SEMA6A: variants seen among roughly 807,000 people sequenced by gnomAD.
The protein encoded by SEMA6A is semaphorin-6A.
Under a neutral mutation model 96.8 loss-of-function variants are expected in SEMA6A, and 25 were observed. The observed-to-expected ratio is 0.26, with a 90% CI of 0.19 to 0.36. SEMA6A has a LOEUF of 0.36. Ranked by LOEUF, SEMA6A falls within the 10% of genes least tolerant of loss-of-function variation. The pLI is 1.00. For missense variants in SEMA6A, 1,363 were observed against 1,323.1 expected (o/e 1.03, Z -0.47); for synonymous variants, 612 against 518.0 (o/e 1.18, Z -2.46).
chr5:116,530,322 A>G (rs1265644763), intron 1 of SEMA6A, among the ~76,000 whole-genome samples: 1 of 152,196 alleles, frequency 6.6e-6, no homozygotes, highest in African/African-American at 2.4e-5. Flanking sequence ...GTAGTTATGT[A>G]GGCACTCCCT....
intron 1 of SEMA6A, among the ~76,000 whole-genome samples, chr5:116,540,688 T>A (rs1416668114): frequency 2.6e-5 from 4 of 152,206 alleles, no homozygotes; most frequent in African/African-American, 9.7e-5. Context: ...ATGTTGTGTA[T>A]ATGCATGTTA....
At chr5:116,493,323 G>A (rs1351263757) in intron 6 of SEMA6A, among the ~76,000 whole-genome samples, 9 of 152,290 alleles carry the variant, frequency 5.9e-5, no homozygotes, top group Admixed American at 2.0e-4. Context: ...GACAAACAGG[G>A]ATGGAATATT....
At chr5:116,500,736 G>A (rs889096214) in intron 3 of SEMA6A, among the ~76,000 whole-genome samples, 8 of 152,164 alleles carry the variant, frequency 5.3e-5, no homozygotes, top group African/African-American at 1.9e-4. Context: ...CGGGCATGGT[G>A]GCTCACACCT....
intron 1 of SEMA6A, among the ~76,000 whole-genome samples, chr5:116,567,722 T>G (rs1223560506): frequency 6.6e-6 from 1 of 152,204 alleles, no homozygotes; most frequent in African/African-American, 2.4e-5. Context: ...GTCCACTACC[T>G]TCCCTCCAAC....
intron 1 of SEMA6A, among the ~76,000 whole-genome samples, chr5:116,505,484 CAT>C (rs1491390936): frequency 2.6e-5 from 4 of 151,506 alleles, no homozygotes; most frequent in African/African-American, 9.7e-5. Context: ...CACACACACA[CAT>C]CTATAACTCA....
chr5:116,572,939 AGGGGCGGC>A (rs1761285122), intron 1 of SEMA6A, among the ~76,000 whole-genome samples: 1 of 151,988 alleles, frequency 6.6e-6, no homozygotes, highest in African/African-American at 2.4e-5. Flanking sequence ...CGCTGGGCGG[AGGGGCGGC>A]GAGGGAGCGG....
intron 1 of SEMA6A, among the ~76,000 whole-genome samples, chr5:116,573,079 C>T (rs1761294971): frequency 6.6e-6 from 1 of 152,092 alleles, no homozygotes; most frequent in Non-Finnish European, 1.5e-5. Context: ...TGTTTTGCAC[C>T]ATCTCCCACA....
intron 1 of SEMA6A, among the ~76,000 whole-genome samples, chr5:116,570,984 CTA>C (rs1761186844): frequency 6.6e-6 from 1 of 152,114 alleles, no homozygotes; most frequent in Non-Finnish European, 1.5e-5. Flanking sequence ...AATACAACTG[CTA>C]TATGTGTTTA....
intron 1 of SEMA6A, among the ~76,000 whole-genome samples, chr5:116,542,207 C>A (rs1315035542): frequency 6.6e-6 from 1 of 152,182 alleles, no homozygotes; most frequent in African/African-American, 2.4e-5. Context: ...CTGTTACCTG[C>A]TAACCAAATC....
At chr5:116,561,953 A>C (rs992901698) in intron 1 of SEMA6A, among the ~76,000 whole-genome samples, 2 of 147,696 alleles carry the variant, frequency 1.4e-5, no homozygotes, top group Admixed American at 1.4e-4. Context: ...TACTCTGAAC[A>C]TCCCTTTATA....
At chr5:116,555,842 A>G (rs1220373540) in intron 1 of SEMA6A, among the ~76,000 whole-genome samples, 1 of 152,210 alleles carries the variant, frequency 6.6e-6, no homozygotes, top group Non-Finnish European at 1.5e-5. Flanking sequence ...AGATAAATAC[A>G]TATTTTTAAA....
At chr5:116,530,875 T>A (rs150321721) in intron 1 of SEMA6A, among the ~76,000 whole-genome samples, 11 of 152,210 alleles carry the variant, frequency 7.2e-5, no homozygotes, top group Admixed American at 7.2e-4. Context: ...TTTTATTGTG[T>A]GTTTACTGTA....
chr5:116,566,536 A>G (rs1002850520), intron 1 of SEMA6A, among the ~76,000 whole-genome samples: 4 of 152,226 alleles, frequency 2.6e-5, no homozygotes, highest in Non-Finnish European at 5.9e-5. Context: ...TTCCACTTAC[A>G]GAGTTTGAGA....
In SEMA6A at chr5:116,552,066, A is replaced by AC. The variant is rs200314704; in HGVS notation, c.-39+22118dup. Among the ~76,000 whole-genome samples the AC allele has an allele frequency of 8.0e-3, 1,109 of 139,432 alleles. 6 individuals carry two copies. The highest frequency in any genetic ancestry group is 0.026 in the African/African-American group (1,051 of 40,288). 91.5% of individuals were successfully genotyped at this position (139,432 alleles called of 152,430 possible). On this transcript the variant is annotated intron_variant, in intron 1 of 18. Coordinates refer to ENST00000343348, the MANE Select transcript of SEMA6A (RefSeq NM_020796.5). The stretch of plus-strand genomic sequence containing the variant: ...GGAAAATACAGGCATGCCAATCACT[A>AC]CCCACCAAATGTCCCTGACACCAGT...
At chr5:116,541,989 T>C (rs529151053) in intron 1 of SEMA6A, among the ~76,000 whole-genome samples, 4 of 152,348 alleles carry the variant, frequency 2.6e-5, no homozygotes, top group South Asian at 2.1e-4. Flanking sequence ...TGTCATATCT[T>C]GGCAAATACA....
chr5:116,443,749 A>T lies in SEMA6A; in HGVS notation c.*2864T>A, dbSNP rs1754030871. The T allele has an allele frequency of 6.6e-6, 1 of 152,654 alleles. No individual in the cohort carries two copies. The highest frequency in any genetic ancestry group is 2.4e-5 in the African/African-American group (1 of 41,450). 9.5% of individuals were successfully genotyped at this position (152,654 alleles called of 1,614,324 possible). A position where few individuals can be genotyped will look rare whatever the true frequency, so the allele number is the denominator to read the frequency against. On this transcript the variant is annotated 3_prime_UTR_variant, in exon 19 of 19. Coordinates refer to ENST00000343348, the MANE Select transcript of SEMA6A (RefSeq NM_020796.5). ...ATTTTTACAACTTTACAACAAATAT[A>T]AATCTGAGTTTGTTGCATCTACCAG... is the stretch of plus-strand genomic sequence containing the variant.
intron 12 of SEMA6A, among the ~76,000 whole-genome samples, chr5:116,479,274 G>A (rs1364006656): frequency 6.6e-6 from 1 of 152,116 alleles, no homozygotes; most frequent in East Asian, 1.9e-4. Flanking sequence ...AAAGCTAAAG[G>A]TGAAGGGCAT....
At chr5:116,451,023 T>C (rs1754598989) in intron 18 of SEMA6A, among the ~76,000 whole-genome samples, 1 of 152,122 alleles carries the variant, frequency 6.6e-6, no homozygotes, top group East Asian at 1.9e-4. Flanking sequence ...TCAGTAGTGG[T>C]GATAAAAGCA....
At position 116,446,784 on chromosome 5, in the gene SEMA6A, G is replaced by T; in HGVS notation, c.2922C>A (p.Ser974=). The stretch of plus-strand genomic sequence containing the variant: ...CAGTCACGGCCTGGCCAGATGGCTG[G>T]GAGCTGTGCACCTGGATGGAGTCCA... ...QRVDSIQVHS[S]QPSGQAVTVS... is the part of the protein sequence containing the mutation. The change falls in exon 19 of 19, where the codon TCC becomes TCA. Residue 974 remains serine (S), a synonymous_variant. Transcript: ENST00000343348. 6.2e-7 allele frequency: 1 copy of T among 1,612,380 alleles called. No homozygotes were observed. Among genetic ancestry groups the T allele is most frequent in the Non-Finnish European group, 8.5e-7 (1 of 1,179,214 alleles).
Sources: allele counts gnomAD v4.1 joint callset (sites outside exome capture counted in the v4.1 genomes callset), GRCh38; gene constraint gnomAD v4.1.1; transcripts MANE v1.5; gene names NCBI Gene and HGNC (gene_info 2026-07-23, HGNC 2026-07-21).